Variants in GLIS3 observed in about 807,000 individuals in gnomAD.
The protein encoded by GLIS3 is zinc finger protein GLIS3.
A neutral mutation model predicts 78.6 loss-of-function variants in GLIS3; 53 were observed. The observed-to-expected ratio is 0.67, with a 90% CI of 0.54 to 0.85. The LOEUF (loss-of-function observed/expected upper bound fraction) is 0.85. GLIS3 is among the 40% of genes least tolerant of loss of function. The probability of loss-of-function intolerance (pLI) is 0.00; values close to 1 mark genes in which losing one functional copy is unlikely to be tolerated. For missense variants in GLIS3, 1,703 were observed against 1,231.1 expected, an observed-to-expected ratio of 1.38 and a Z score of -5.74; for synonymous variants, 684 against 509.9, an observed-to-expected ratio of 1.34 and a Z score of -4.60.
intron 4 of GLIS3, among the ~76,000 whole-genome samples, chr9:3,942,433 T>C (rs1815995636): frequency 6.6e-6 from 1 of 152,098 alleles, no homozygotes; most frequent in African/African-American, 2.4e-5. Flanking sequence ...GGCGGGAGGA[T>C]CAGCAAATAC....
Position 4,014,453 on chromosome 9 carries a change from A to C in GLIS3, c.1711-77264T>G, listed in dbSNP as rs188303123. Among the ~76,000 whole-genome samples, 364 of 152,238 alleles carry C rather than the reference A, an allele frequency of 2.4e-3. 1 individual carries two copies. Among genetic ancestry groups the C allele is most frequent in the South Asian group, 6.0e-3 (29 of 4,814 alleles). ...TAGGGTGGGCCCTTAATGCAAAATGAATGGTGTTTTTATAAGAAGAGGAGA... is the reference window on the plus strand; with the variant it reads ...TAGGGTGGGCCCTTAATGCAAAATGCATGGTGTTTTTATAAGAAGAGGAGA... On this transcript the variant is annotated intron_variant, in intron 4 of 10. Transcript: ENST00000381971.
intron 7 of GLIS3, among the ~76,000 whole-genome samples, chr9:3,881,159 T>C (rs1053437292): frequency 1.3e-5 from 2 of 152,196 alleles, no homozygotes; most frequent in Non-Finnish European, 2.9e-5. Context: ...TTGGATTGAC[T>C]GTGGCAATAG....
chr9:4,471,742 CA>C, the GLIS3 span, among the ~76,000 whole-genome samples: 3 of 152,102 alleles, frequency 2.0e-5, no homozygotes, highest in African/African-American at 7.2e-5. Context: ...CAACAAAAGC[CA>C]AAATTGACAA....
the GLIS3 span, among the ~76,000 whole-genome samples, chr9:4,413,999 A>C: frequency 8.9e-3 from 1,352 of 152,238 alleles, 19 homozygotes; most frequent in African/African-American, 0.03. Flanking sequence ...CAAGCTTAGA[A>C]GCCTCAGGCA....
chr9:4,486,186 AT>A, the GLIS3 span, among the ~76,000 whole-genome samples: 1 of 152,220 alleles, frequency 6.6e-6, no homozygotes, highest in Admixed American at 6.5e-5. Context: ...TCAGAATCCA[AT>A]ACCCCAAAAT....
intron 4 of GLIS3, among the ~76,000 whole-genome samples, chr9:4,080,986 C>T (rs1199441855): frequency 1.3e-5 from 2 of 152,224 alleles, no homozygotes; most frequent in African/African-American, 2.4e-5. Flanking sequence ...CAACTGATTT[C>T]ATGAGCAGGG....
At chr9:4,263,675 C>G (rs1442920199) in intron 2 of GLIS3, among the ~76,000 whole-genome samples, 2 of 152,190 alleles carry the variant, frequency 1.3e-5, no homozygotes, top group Non-Finnish European at 2.9e-5. Flanking sequence ...GAACTCCTGT[C>G]AAGGTCAGTA....
chr9:4,331,030 G>T (rs1817677151), intron 2 of GLIS3, among the ~76,000 whole-genome samples: 1 of 152,154 alleles, frequency 6.6e-6, no homozygotes, highest in Non-Finnish European at 1.5e-5. Flanking sequence ...GGCCCATCTT[G>T]CCCTGAGCCA....
intron 4 of GLIS3, among the ~76,000 whole-genome samples, chr9:4,050,935 T>C (rs1467316718): frequency 3.3e-5 from 5 of 152,124 alleles, no homozygotes; most frequent in African/African-American, 1.2e-4. Flanking sequence ...TGGGGGAAGC[T>C]GAAGGTTTCA....
In GLIS3 at chr9:4,205,216, A is replaced by C. The variant is rs1819763298; in HGVS notation, c.389-79275T>G. ...AAAGGAATCAGTTATGACTATTTCA[A>C]GACAGCAAGCCACTATTATTGCTGC... On this transcript the variant is annotated intron_variant, in intron 2 of 10. Transcript: ENST00000381971. 2.0e-5 allele frequency among the ~76,000 whole-genome samples: 3 copies of C among 151,318 alleles called. No individual in the cohort carries two copies. In the South Asian group the frequency reaches 6.3e-4, roughly 32 times the overall value.
At chr9:4,121,887 G>A (rs1478159461) in intron 3 of GLIS3, among the ~76,000 whole-genome samples, 1 of 152,294 alleles carries the variant, frequency 6.6e-6, no homozygotes, top group African/African-American at 2.4e-5. Flanking sequence ...AATGTGAATG[G>A]TTCCAAAGGA....
chr9:4,395,647 C>T, the GLIS3 span, among the ~76,000 whole-genome samples: 17 of 152,172 alleles, frequency 1.1e-4, no homozygotes, highest in Admixed American at 2.0e-4. Flanking sequence ...CCAGCCTTTG[C>T]CAAGTGCTCT....
chr9:4,229,104 T>A (rs1022399377), intron 2 of GLIS3, among the ~76,000 whole-genome samples: 29 of 152,284 alleles, frequency 1.9e-4, no homozygotes, highest in African/African-American at 7.0e-4. Context: ...ACAGTGCGTA[T>A]GATATGCTAC....
intron 1 of GLIS3, among the ~76,000 whole-genome samples, chr9:4,288,774 C>G (rs1304653308): frequency 6.6e-6 from 1 of 151,760 alleles, no homozygotes; most frequent in African/African-American, 2.4e-5. Context: ...AATTTTATTA[C>G]TAAGAAAGCA....
intron 9 of GLIS3, among the ~76,000 whole-genome samples, chr9:3,836,501 C>G (rs1284741910): frequency 1.3e-5 from 2 of 152,174 alleles, no homozygotes; most frequent in Non-Finnish European, 2.9e-5. Context: ...GATGCATGAC[C>G]CCACTCTCCT....
At chr9:4,313,278 T>A (rs1289757576) in intron 2 of GLIS3, among the ~76,000 whole-genome samples, 1 of 152,220 alleles carries the variant, frequency 6.6e-6, no homozygotes, top group Non-Finnish European at 1.5e-5. Flanking sequence ...TCTGCCTCCA[T>A]AGCCCACAGG....
At position 4,118,215 on chromosome 9, in the gene GLIS3, G is replaced by C; in HGVS notation, c.1263C>G (p.Asp421Glu). ...MVVQHGLPGP[D>E]SQSAGLFKTE... The stretch of plus-strand genomic sequence containing the variant: ...TCTTGAACAGGCCGGCCGACTGGCT[G>C]TCGGGGCCCGGCAGGCCATGCTGCA... Residue 421 changes from aspartate to glutamate, a missense_variant, in exon 4 of 11, where the codon GAC becomes GAG. Transcript: ENST00000381971. This position sits in a 1 kb window ranked among gnomAD's most constrained non-coding sequence, Gnocchi z 4.7. The C allele has an allele frequency of 6.3e-7, 1 of 1,584,614 alleles. No homozygotes were observed. Among genetic ancestry groups the C allele is most frequent in the Non-Finnish European group, 8.6e-7 (1 of 1,165,586 alleles).
At chr9:4,279,470 A>T (rs867088090) in intron 2 of GLIS3, among the ~76,000 whole-genome samples, 1 of 151,286 alleles carries the variant, frequency 6.6e-6, no homozygotes, top group African/African-American at 2.4e-5. Flanking sequence ...AATATCAACA[A>T]AGGACACCAA....
the GLIS3 span, among the ~76,000 whole-genome samples, chr9:4,382,148 G>A: frequency 9.2e-5 from 14 of 152,298 alleles, no homozygotes; most frequent in South Asian, 2.9e-3. Context: ...AAAATCTGTA[G>A]TAAATCCCTT....
Sources: allele counts gnomAD v4.1 joint callset (sites outside exome capture counted in the v4.1 genomes callset), GRCh38; gene constraint gnomAD v4.1.1; non-coding constraint Gnocchi (gnomAD v3.1); transcripts MANE v1.5; gene names NCBI Gene and HGNC (gene_info 2026-07-23, HGNC 2026-07-21).